The following WAPL variants were observed in gnomAD, a reference collection of about 807,000 sequenced individuals.
WAPL encodes the protein WAPL cohesin release factor, also known as wings apart-like protein homolog.
WAPL carries 5 observed loss-of-function variants against 121.0 expected under a neutral mutation model. The observed-to-expected ratio is 0.04, with a 90% CI of 0.02 to 0.09. WAPL has a LOEUF of 0.09. WAPL is among the 10% of genes least tolerant of loss of function. WAPL has a pLI of 1.00. For missense variants in WAPL, 999 were observed against 1,410.8 expected (o/e 0.71, Z 4.68); for synonymous variants, 480 against 481.5 (o/e 1.00, Z 0.04).
chr10:86,452,019 T>C lies in WAPL; in HGVS notation c.3062A>G (p.Asp1021Gly), dbSNP rs1840993220. Residue 1021 changes from aspartate to glycine, a missense_variant, in exon 15 of 19, where the codon GAT becomes GGT. Physicochemically the swap from Asp to Gly is moderately conservative, Grantham distance 94. This residue lies in a region of WAPL where 126 missense variants were observed against 144.0 expected (regional missense o/e 0.87). Coordinates refer to ENST00000298767, the MANE Select transcript of WAPL (RefSeq NM_015045.5). ...TTGTCCACCTATCCTTAAACTATCA[T>C]CCCCTTCTCCACTACAGATGGAAGA... ...FDSSICSGEG[D>G]DSLRIGGQVH... 2 of 1,613,986 alleles carry C rather than the reference T, an allele frequency of 1.2e-6. No homozygotes were observed. Among genetic ancestry groups the C allele is most frequent in the Non-Finnish European group, 1.7e-6 (2 of 1,180,032 alleles).
chr10:86,458,366 T>C (rs1342036478), intron 12 of WAPL, among the ~76,000 whole-genome samples: 2 of 152,140 alleles, frequency 1.3e-5, no homozygotes. Flanking sequence ...TTAGCCTAAT[T>C]GTGATGAAAT....
At chr10:86,505,002 C>T (rs1157001866) in intron 2 of WAPL, among the ~76,000 whole-genome samples, 1 of 151,870 alleles carries the variant, frequency 6.6e-6, no homozygotes, top group African/African-American at 2.4e-5. Flanking sequence ...ATACAGCATT[C>T]AAGTTTGATT....
At chr10:86,461,068 T>C in intron 10 of WAPL, 108 bp downstream of exon 10, 1 of 899,698 alleles carries the variant, frequency 1.1e-6, no homozygotes, top group Non-Finnish European at 1.7e-6. Context: ...ATAATAATGA[T>C]AATAGACATT....
chr10:86,450,461 C>T (rs1376977303), intron 15 of WAPL, among the ~76,000 whole-genome samples: 1 of 152,162 alleles, frequency 6.6e-6, no homozygotes, highest in African/African-American at 2.4e-5. Flanking sequence ...GTCTCAAACT[C>T]CTGAGCTCAA....
intron 4 of WAPL, among the ~76,000 whole-genome samples, chr10:86,483,420 T>TA (rs1841841212): frequency 6.9e-6 from 1 of 145,654 alleles, no homozygotes; most frequent in African/African-American, 2.5e-5. Context: ...AAACTCCATC[T>TA]CAAAAAAAAA....
chr10:86,494,054 G>T (rs1178034497), intron 4 of WAPL, among the ~76,000 whole-genome samples: 3 of 152,176 alleles, frequency 2.0e-5, no homozygotes, highest in African/African-American at 4.8e-5. Context: ...ATTGACATTT[G>T]TATGGATGGT....
intron 4 of WAPL, among the ~76,000 whole-genome samples, chr10:86,488,962 G>A (rs1370206232): frequency 1.3e-5 from 2 of 152,216 alleles, no homozygotes; most frequent in African/African-American, 4.8e-5. Context: ...TTAACCAAGT[G>A]ATCAGTTAAC....
intron 4 of WAPL, among the ~76,000 whole-genome samples, chr10:86,489,251 T>C (rs1255855606): frequency 6.6e-6 from 1 of 152,226 alleles, no homozygotes. Flanking sequence ...GATTAGATCA[T>C]GGGTTCTTTG....
chr10:86,497,940 C>A (rs1169556849), intron 3 of WAPL, among the ~76,000 whole-genome samples: 4 of 152,070 alleles, frequency 2.6e-5, no homozygotes, highest in Admixed American at 2.0e-4. Context: ...TTTTTCTAAG[C>A]GAAACAAAAT....
chr10:86,438,473 C>T (rs1287164670), intron 17 of WAPL, among the ~76,000 whole-genome samples: 1 of 152,166 alleles, frequency 6.6e-6, no homozygotes, highest in Non-Finnish European at 1.5e-5. Context: ...AGGCTGGTCT[C>T]GAGCTCCTGG....
In WAPL at chr10:86,472,925, C is replaced by A. The variant is rs1841566401; in HGVS notation, c.1741-161G>T. Among the ~76,000 whole-genome samples the A allele has an allele frequency of 6.6e-6, 1 of 152,168 alleles. No homozygotes were observed. Among genetic ancestry groups the A allele is most frequent in the African/African-American group, 2.4e-5 (1 of 41,444 alleles). On this transcript the variant is annotated intron_variant, in intron 5 of 18. Transcript: ENST00000298767. The surrounding 1 kb of genome is among the most constrained non-coding windows in gnomAD (Gnocchi z 4.2). ...AAGGTCTTTAGAAATACTTTGAATTCCATGCACTAACAGGTAAGACATATG... is the reference window on the plus strand; with the variant it reads ...AAGGTCTTTAGAAATACTTTGAATTACATGCACTAACAGGTAAGACATATG...
intron 12 of WAPL, 71 bp from the exon 13 acceptor site, chr10:86,453,902 G>C (rs1841067729): frequency 8.1e-7 from 1 of 1,237,156 alleles, no homozygotes; most frequent in African/African-American, 1.6e-5. Flanking sequence ...CTATTTACTT[G>C]AACCTAAAGG....
chr10:86,451,692 C>A (rs911478370), intron 15 of WAPL, among the ~76,000 whole-genome samples: 1 of 152,136 alleles, frequency 6.6e-6, no homozygotes, highest in Non-Finnish European at 1.5e-5. Context: ...TGCGCCCAGC[C>A]TATACCACAT....
intron 17 of WAPL, among the ~76,000 whole-genome samples, chr10:86,441,158 C>T (rs1472138956): frequency 6.6e-6 from 1 of 152,212 alleles, no homozygotes; most frequent in African/African-American, 2.4e-5. Context: ...ATTTCAAAAT[C>T]TGGCTTTACA....
At chr10:86,475,889 G>A (rs1047348816) in intron 4 of WAPL, among the ~76,000 whole-genome samples, 1 of 152,180 alleles carries the variant, frequency 6.6e-6, no homozygotes, top group Non-Finnish European at 1.5e-5. Context: ...TTTTTAAAAA[G>A]CATTGATTGG....
chr10:86,495,298 C>G (rs1356678187), intron 4 of WAPL, among the ~76,000 whole-genome samples: 1 of 152,098 alleles, frequency 6.6e-6, no homozygotes, highest in Non-Finnish European at 1.5e-5. Flanking sequence ...GAAACCACGT[C>G]TCTACAAAAA....
chr10:86,445,142 A>G (rs1286155605), intron 16 of WAPL, among the ~76,000 whole-genome samples: 1 of 152,160 alleles, frequency 6.6e-6, no homozygotes, highest in Non-Finnish European at 1.5e-5. Context: ...CCAAAACTGG[A>G]GGAGGCTCAA....
At chr10:86,469,279 G>A (rs1241040383) in intron 8 of WAPL, among the ~76,000 whole-genome samples, 1 of 496 alleles carries the variant, frequency 2.0e-3, no homozygotes, top group African/African-American at 0.045. Context: ...TTGAGACGGA[G>A]TCTCGCTCTG....
At chr10:86,484,510 GAA>G (rs1224792329) in intron 4 of WAPL, among the ~76,000 whole-genome samples, 2 of 151,682 alleles carry the variant, frequency 1.3e-5, no homozygotes, top group Non-Finnish European at 2.9e-5. Context: ...AAAGCAAAAA[GAA>G]AAAAACAAGC....
Sources: allele counts gnomAD v4.1 joint callset (sites outside exome capture counted in the v4.1 genomes callset), GRCh38; gene constraint gnomAD v4.1.1; regional missense constraint gnomAD v4.1.1; non-coding constraint Gnocchi (gnomAD v3.1); transcripts MANE v1.5; gene names NCBI Gene and HGNC (gene_info 2026-07-23, HGNC 2026-07-21).